The following SAA2 variants were observed in gnomAD, a reference collection of about 807,000 sequenced individuals.
The protein encoded by SAA2 is serum amyloid A2, also known as serum amyloid A-2 protein.
SAA2 carries 5 observed loss-of-function variants against 9.1 expected under a neutral mutation model. The observed-to-expected ratio is 0.55, with a 90% CI of 0.29 to 1.16. SAA2 has a LOEUF of 1.16. Among genes scored for constraint, SAA2 ranks in the 50% most tolerant of loss-of-function variants. SAA2 has a pLI of 0.09. For synonymous variants in SAA2, 49 were observed against 59.8 expected (o/e 0.82, Z 0.83); for missense variants, 94 against 153.8 (o/e 0.61, Z 2.06).
chr11:18,240,043 G>A (rs931257683), intron 3 of SAA2: 1 of 1,531,048 alleles, frequency 6.5e-7, no homozygotes, highest in Non-Finnish European at 8.8e-7. Context: ...AATCACAGGA[G>A]GGTGATTTCC....
chr11:18,241,565 C>T (rs996598042), downstream of SAA2, among the ~76,000 whole-genome samples: 1 of 152,072 alleles, frequency 6.6e-6, no homozygotes, highest in Admixed American at 6.6e-5. Flanking sequence ...CCATAGAATA[C>T]TATTCAGCCA....
intron 2 of SAA2, among the ~76,000 whole-genome samples, chr11:18,247,009 G>C (rs1464201606): frequency 6.6e-6 from 1 of 152,246 alleles, no homozygotes; most frequent in East Asian, 1.9e-4. Context: ...CCTGGCAAGA[G>C]CCCTGACCTC....
chr11:18,240,171 T>G (rs1186059654), intron 3 of SAA2: 2 of 736,714 alleles, frequency 2.7e-6, no homozygotes. Flanking sequence ...TGAGTGGACC[T>G]GGGGAATAGA....
Position 18,245,393 on chromosome 11 carries a change from A to C in SAA2, c.353T>G (p.Leu118Arg). 1.2e-6 allele frequency: 2 copies of C among 1,614,258 alleles called. No individual in the cohort carries two copies. The highest frequency in any genetic ancestry group is 1.7e-6 in the Non-Finnish European group (2 of 1,180,042). ...RDPNHFRPAG[L>R]PEKY Reference sequence around the variant, plus strand: ...AGAGGAAGCTCAGTATTTCTCAGGCAGGCCAGCAGGTCGGAAGTGATTGGG... The same window carrying C: ...AGAGGAAGCTCAGTATTTCTCAGGCCGGCCAGCAGGTCGGAAGTGATTGGG... The change falls in exon 4 of 4, where the codon CTG becomes CGG. Residue 118 changes from leucine (L) to arginine (R), a missense_variant. Physicochemically the swap from Leu to Arg is moderately radical, Grantham distance 102 (BLOSUM62 -2). Coordinates refer to ENST00000256733, the MANE Select transcript of SAA2 (RefSeq NM_030754.5).
At chr11:18,242,742 A>G, downstream of SAA2, 2 of 699,050 alleles carry the variant, frequency 2.9e-6, no homozygotes, top group Non-Finnish European at 2.6e-6. Context: ...GTTATTCAAG[A>G]GGCTGAAGTG....
chr11:18,247,061 C>T (rs1344956433), intron 2 of SAA2, among the ~76,000 whole-genome samples: 1 of 152,288 alleles, frequency 6.6e-6, no homozygotes, highest in Non-Finnish European at 1.5e-5. Context: ...CACCTGCTGA[C>T]TGGCAGTAAG....
At chr11:18,239,607 G>C (rs1368733684) in exon 4 of SAA2, 1 of 408,224 alleles carries the variant, frequency 2.4e-6, no homozygotes, top group Non-Finnish European at 4.3e-6. Flanking sequence ...CTCCTCAACT[G>C]CTAAGCAGAA....
intron 1 of SAA2, among the ~76,000 whole-genome samples, 167 bp from the exon 2 acceptor site, chr11:18,248,182 G>A (rs1449001332): frequency 1.5e-5 from 2 of 129,728 alleles, no homozygotes; most frequent in Non-Finnish European, 3.6e-5. Context: ...AGAAGCCCTC[G>A]GTTCTGAACC....
chr11:18,247,875 G>C, intron 2 of SAA2, 46 bp downstream of exon 2: 3 of 1,613,404 alleles, frequency 1.9e-6, no homozygotes, highest in Non-Finnish European at 2.5e-6. Flanking sequence ...TCAGGTCCAG[G>C]GCGATGTTTC....
intron 3 of SAA2, chr11:18,239,977 A>G: frequency 1.3e-6 from 2 of 1,550,918 alleles, no homozygotes; most frequent in African/African-American, 2.7e-5. Flanking sequence ...AAACTGACAA[A>G]GGCAGATTAA....
At chr11:18,245,857 A>C in intron 3 of SAA2, 53 bp downstream of exon 3, 8 of 1,609,300 alleles carry the variant, frequency 5.0e-6, no homozygotes, top group Non-Finnish European at 6.8e-6. Context: ...CTGACTGTCC[A>C]AGGCAGGCAA....
chr11:18,247,217 T>C (rs1857588618), intron 2 of SAA2, among the ~76,000 whole-genome samples: 1 of 152,092 alleles, frequency 6.6e-6, no homozygotes, highest in African/African-American at 2.4e-5. Flanking sequence ...TCCCAGCTCT[T>C]GTCAAGAAGG....
intron 2 of SAA2, among the ~76,000 whole-genome samples, chr11:18,246,288 G>C (rs536989686): frequency 3.7e-4 from 56 of 152,350 alleles, no homozygotes; most frequent in African/African-American, 1.2e-3. Context: ...AGATCCAGGA[G>C]TGTATATGAA....
intron 2 of SAA2, among the ~76,000 whole-genome samples, chr11:18,246,367 TA>T (rs920854748): frequency 2.5e-4 from 38 of 152,222 alleles, no homozygotes; most frequent in African/African-American, 9.2e-4. Context: ...CCCTGACTAC[TA>T]AAGTATATAT....
exon 4 of SAA2, chr11:18,239,687 C>T: frequency 2.3e-6 from 1 of 428,590 alleles, no homozygotes. Context: ...TTCCTCCTTT[C>T]CCAACAGCTG....
chr11:18,242,831 A>T (rs888709131), downstream of SAA2: 1 of 701,838 alleles, frequency 1.4e-6, no homozygotes, highest in Non-Finnish European at 2.6e-6. Context: ...TGGATGAAAG[A>T]GGGAGATGCT....
rs140000828 is a variant in SAA2 at position 18,247,933 on chromosome 11, C to T, written c.79G>A (p.Glu27Lys). Residue 27 changes from glutamate (E) to lysine (K), a missense_variant, in exon 2 of 4, where the codon GAG (glutamate) becomes AAG (lysine). Glu to Lys is a moderately conservative substitution (Grantham distance 56). This residue lies in a region of SAA2 where 32 missense variants were observed against 95.5 expected (regional missense o/e 0.34). Transcript: ENST00000256733. ...TCTGAAGCCTTACCATCAAAAGCCT[C>T]GCCAAGGAACGAAAAGAAGCTTCGG... Reference protein sequence around the residue: ...SSRSFFSFLGEAFDGARDMWR... With the variant: ...SSRSFFSFLGKAFDGARDMWR... The T allele has an allele frequency of 4.0e-5, 64 of 1,613,768 alleles. 1 individual carries two copies. The highest frequency in any genetic ancestry group is 5.1e-5 in the Non-Finnish European group (60 of 1,179,878).
chr11:18,240,803 A>G (rs11024577), downstream of SAA2, among the ~76,000 whole-genome samples: 58,634 of 152,026 alleles, frequency 0.39, 13,938 homozygotes, highest in Non-Finnish European at 0.52. Flanking sequence ...CCAAACATTG[A>G]CCTAGTCAAA....
downstream of SAA2, chr11:18,242,846 C>G: frequency 2.9e-6 from 2 of 701,090 alleles, no homozygotes; most frequent in Non-Finnish European, 5.2e-6. Context: ...GATGCTGTCT[C>G]AAATAACGAA....
Sources: gnomAD v4.1 joint callset for allele counts (sites outside exome capture counted in the v4.1 genomes callset) on GRCh38, gnomAD v4.1.1 for gene constraint, gnomAD v4.1.1 regional missense constraint, MANE v1.5 for transcripts, NCBI Gene and HGNC (gene_info 2026-07-23, HGNC 2026-07-21) for gene names.